The following MAGI1 variants were observed in gnomAD, a reference collection of about 807,000 sequenced individuals.
The protein encoded by MAGI1 is membrane-associated guanylate kinase, WW and PDZ domain-containing protein 1.
A neutral mutation model predicts 139.9 loss-of-function variants in MAGI1; 58 were observed. The ratio of observed to expected loss-of-function variants is 0.41; its 90% CI spans 0.34 to 0.52. The LOEUF is 0.52. Ranked by LOEUF, MAGI1 falls within the 20% of genes least tolerant of loss-of-function variation. MAGI1 has a pLI of 0.12. For missense variants in MAGI1, 1,874 were observed against 1,901.6 expected (o/e 0.99, Z 0.27); for synonymous variants, 812 against 737.9 (o/e 1.10, Z -1.63).
intron 4 of MAGI1, among the ~76,000 whole-genome samples, chr3:65,476,308 C>A (rs959497983): frequency 6.6e-6 from 1 of 152,144 alleles, no homozygotes; most frequent in Admixed American, 6.5e-5. Context: ...TTCCTCAGTG[C>A]ACCCTATTGG....
intron 1 of MAGI1, among the ~76,000 whole-genome samples, chr3:65,751,134 T>C (rs1214953667): frequency 6.6e-6 from 1 of 152,204 alleles, no homozygotes; most frequent in African/African-American, 2.4e-5. Flanking sequence ...CTATAATTAT[T>C]TGGGGGAAAC....
intron 1 of MAGI1, among the ~76,000 whole-genome samples, chr3:65,719,680 G>A (rs2032767096): frequency 6.6e-6 from 1 of 151,730 alleles, no homozygotes; most frequent in African/African-American, 2.4e-5. Flanking sequence ...CAAGTACCTG[G>A]GACCACAGGC....
chr3:65,828,110 G>A (rs1380674960), intron 1 of MAGI1, among the ~76,000 whole-genome samples: 2 of 152,206 alleles, frequency 1.3e-5, no homozygotes, highest in Non-Finnish European at 2.9e-5. Flanking sequence ...CTTGGCATTG[G>A]AGAAGTGATG....
chr3:65,417,100 T>C (rs1032748158), intron 12 of MAGI1, among the ~76,000 whole-genome samples: 2 of 152,046 alleles, frequency 1.3e-5, no homozygotes, highest in African/African-American at 2.4e-5. Context: ...CCGATAGAAG[T>C]AGGATGATAT....
chr3:66,018,953 T>A (rs2067819511), intron 1 of MAGI1, among the ~76,000 whole-genome samples: 1 of 131,358 alleles, frequency 7.6e-6, no homozygotes, highest in Non-Finnish European at 1.7e-5. Flanking sequence ...CTGAGCCATA[T>A]CCAATTGGAA....
chr3:65,811,482 A>T (rs1372559208), intron 1 of MAGI1, among the ~76,000 whole-genome samples: 1 of 152,118 alleles, frequency 6.6e-6, no homozygotes, highest in Non-Finnish European at 1.5e-5. Flanking sequence ...ACCTCCACTC[A>T]TCGACCAAGA....
intron 1 of MAGI1, among the ~76,000 whole-genome samples, chr3:65,996,542 G>GT (rs1491034163): frequency 1.6e-4 from 1 of 6,078 alleles, no homozygotes; most frequent in Non-Finnish European, 3.2e-4. Flanking sequence ...AAAAACTAAG[G>GT]GGGGGGGGGG....
chr3:65,365,700 G>C (rs758803629), intron 18 of MAGI1, among the ~76,000 whole-genome samples: 1 of 152,084 alleles, frequency 6.6e-6, no homozygotes, highest in Non-Finnish European at 1.5e-5. Context: ...GTGGTGTTAG[G>C]TTCCATTATA....
chr3:65,865,472 T>C (rs958697519), intron 1 of MAGI1, among the ~76,000 whole-genome samples: 1 of 152,022 alleles, frequency 6.6e-6, no homozygotes, highest in African/African-American at 2.4e-5. Flanking sequence ...GGCACACACC[T>C]GTACTCCCAG....
chr3:65,423,917 C>T (rs554021106), intron 12 of MAGI1, among the ~76,000 whole-genome samples: 67 of 152,294 alleles, frequency 4.4e-4, no homozygotes, highest in African/African-American at 1.6e-3. Flanking sequence ...TTGCTTTATA[C>T]TAATTTATAC....
At chr3:65,463,008 G>A (rs1217590390) in intron 5 of MAGI1, among the ~76,000 whole-genome samples, 1 of 152,174 alleles carries the variant, frequency 6.6e-6, no homozygotes, top group Non-Finnish European at 1.5e-5. Context: ...ACCAGCTTAA[G>A]GAGTTTTTAG....
chr3:65,533,864 T>C (rs905361161), intron 2 of MAGI1, among the ~76,000 whole-genome samples: 5 of 152,140 alleles, frequency 3.3e-5, no homozygotes, highest in Non-Finnish European at 5.9e-5. Context: ...ATCCATCCAA[T>C]CCAAAATTCT....
At chr3:65,869,196 C>T (rs1307642437) in intron 1 of MAGI1, among the ~76,000 whole-genome samples, 1 of 145,016 alleles carries the variant, frequency 6.9e-6, no homozygotes, top group South Asian at 2.3e-4. Flanking sequence ...GCGGAGCTTG[C>T]AGTGAGCCGA....
intron 2 of MAGI1, among the ~76,000 whole-genome samples, chr3:65,610,742 G>GTATATACTATATACTATATATATATA (rs11276480): frequency 0.16 from 19,593 of 121,114 alleles, 2,719 homozygotes; most frequent in East Asian, 0.21. Flanking sequence ...ATAGTATATA[G>GTATATACTATATACTATATATATATA]TATATATACA....
At chr3:65,652,308 C>T (rs772685653) in intron 1 of MAGI1, among the ~76,000 whole-genome samples, 3 of 152,068 alleles carry the variant, frequency 2.0e-5, no homozygotes, top group Non-Finnish European at 4.4e-5. Context: ...AAGTGACTAA[C>T]GGGGAGAGAT....
chr3:65,976,337 A>T (rs1468435140), intron 1 of MAGI1, among the ~76,000 whole-genome samples: 1 of 152,176 alleles, frequency 6.6e-6, no homozygotes, highest in Non-Finnish European at 1.5e-5. Context: ...TATTTAAAAG[A>T]TCTTTTTTGG....
At chr3:65,372,650 G>C in intron 18 of MAGI1, among the ~76,000 whole-genome samples, 1 of 152,102 alleles carries the variant, frequency 6.6e-6, no homozygotes, top group Admixed American at 6.5e-5. Flanking sequence ...AGACTGTTTT[G>C]TCTACACTGA....
intron 1 of MAGI1, among the ~76,000 whole-genome samples, chr3:65,744,659 A>G (rs2035547216): frequency 6.6e-6 from 1 of 151,686 alleles, no homozygotes; most frequent in African/African-American, 2.4e-5. Context: ...CCTAATTTCA[A>G]TGATAAGAAA....
At chr3:65,522,083 C>T (rs181965450) in intron 2 of MAGI1, among the ~76,000 whole-genome samples, 1 of 152,182 alleles carries the variant, frequency 6.6e-6, no homozygotes, top group African/African-American at 2.4e-5. Flanking sequence ...CTTACAATGG[C>T]CTTCACCAAG....
Sources: gnomAD v4.1 joint callset for allele counts (sites outside exome capture counted in the v4.1 genomes callset) on GRCh38, gnomAD v4.1.1 for gene constraint, MANE v1.5 for transcripts, NCBI Gene and HGNC (gene_info 2026-07-23, HGNC 2026-07-21) for gene names.